The following FYB2 variants were observed in gnomAD, a reference collection of about 807,000 sequenced individuals.
FYB2 encodes the protein FYN-binding protein 2.
Under a neutral mutation model 94.1 loss-of-function variants are expected in FYB2, and 103 were observed. That is an observed-to-expected ratio of 1.09 (90% CI 0.93 to 1.29). FYB2 has a LOEUF of 1.29. Among genes scored for constraint, FYB2 ranks in the 50% most tolerant of loss-of-function variants. The probability of loss-of-function intolerance (pLI) is 0.00; values close to 1 mark genes in which losing one functional copy is unlikely to be tolerated. For missense variants in FYB2, 896 were observed against 841.5 expected (o/e 1.06, Z -0.80); for synonymous variants, 293 against 287.9 (o/e 1.02, Z -0.18).
At chr1:56,726,933 A>C (rs1255945598) in intron 15 of FYB2, among the ~76,000 whole-genome samples, 2 of 138,518 alleles carry the variant, frequency 1.4e-5, no homozygotes, top group Non-Finnish European at 3.1e-5. Flanking sequence ...CTCCTTTATG[A>C]GCCTCAGTTT....
At chr1:56,796,276 T>C (rs1646394948) in intron 1 of FYB2, among the ~76,000 whole-genome samples, 1 of 152,120 alleles carries the variant, frequency 6.6e-6, no homozygotes, top group South Asian at 2.1e-4. Flanking sequence ...CCATCACCCA[T>C]AGGTGGAAGT....
Position 56,723,630 on chromosome 1 carries a change from G to T in FYB2, c.1932C>A (p.Asn644Lys). 1.3e-6 allele frequency: 2 copies of T among 1,570,282 alleles called. No homozygotes were observed. Among genetic ancestry groups the T allele is most frequent in the Admixed American group, 1.7e-5 (1 of 58,414 alleles). Reference protein sequence around the residue: ...FKTKKQNLEKNRMKREEKLFR... With the variant: ...FKTKKQNLEKKRMKREEKLFR... ...ATAGTTTTTCTTCTCTTTTCATTCT[G>T]TTCTTTTCTAAGTTTTGCTTCTTGG... is the stretch of plus-strand genomic sequence containing the variant. The change falls in exon 17 of 20, where the codon AAC (asparagine) becomes AAA (lysine). Residue 644 changes from asparagine (N) to lysine (K), a missense_variant. By Grantham distance (94) the Asn-to-Lys change is moderately conservative. Transcript: ENST00000343433.
intron 14 of FYB2, among the ~76,000 whole-genome samples, chr1:56,738,187 C>T (rs1644872305): frequency 6.6e-6 from 1 of 152,014 alleles, no homozygotes; most frequent in Non-Finnish European, 1.5e-5. Context: ...ATTCTCAATT[C>T]AGTTAGTTTG....
rs1457812135 is a variant in FYB2, at chr1:56,792,610, C to T, written c.203G>A (p.Ser68Asn). 3 of 1,614,092 alleles carry T rather than the reference C, an allele frequency of 1.9e-6. No homozygotes were observed. The highest frequency in any genetic ancestry group is 2.5e-6 in the Non-Finnish European group (3 of 1,180,008). The change falls in exon 2 of 20, where the codon AGT becomes AAT. Residue 68 changes from serine to asparagine, a missense_variant. By Grantham distance (46) the Ser-to-Asn change is conservative. Transcript: ENST00000343433. Reference protein sequence around the residue: ...NHKQRTPYCSSSESQPLQPQK... With the variant: ...NHKQRTPYCSNSESQPLQPQK... ...AGGTTGAAGAGGCTGGGACTCACTA[C>T]TGGAACAGTATGGTGTGCGCTGCTT...
At chr1:56,778,451 G>A (rs1027382970) in intron 4 of FYB2, among the ~76,000 whole-genome samples, 1 of 152,004 alleles carries the variant, frequency 6.6e-6, no homozygotes, top group Admixed American at 6.6e-5. Flanking sequence ...TTAGCAACTG[G>A]TTTTTTGTTT....
At chr1:56,797,844 T>C (rs1646435273) in intron 1 of FYB2, among the ~76,000 whole-genome samples, 1 of 152,224 alleles carries the variant, frequency 6.6e-6, no homozygotes, top group Non-Finnish European at 1.5e-5. Flanking sequence ...TGGTTTGTTT[T>C]TCTTTATAGC....
chr1:56,819,395 C>T lies in FYB2; in HGVS notation c.-105G>A, dbSNP rs1646960819. On this transcript the variant is annotated 5_prime_UTR_variant, in exon 1 of 20. Transcript: ENST00000343433. ...CTGTCTCTGCTAGCCAGGGAGCAAT[C>T]ACTTCCCACAGGACACACCTGAGCC... The T allele has an allele frequency of 6.7e-7, 1 of 1,489,436 alleles. No individual in the cohort carries two copies. The highest frequency in any genetic ancestry group is 1.7e-5 in the Admixed American group (1 of 58,328). The allele number at this position is 1,489,436 out of a possible 1,614,324, so 92.3% of individuals were successfully genotyped here.
chr1:56,756,391 A>G (rs556225921), intron 6 of FYB2, among the ~76,000 whole-genome samples: 210 of 152,236 alleles, frequency 1.4e-3, no homozygotes, highest in Admixed American at 3.0e-3. Flanking sequence ...ATTTGGCTCC[A>G]TTAAAATTAT....
chr1:56,819,234 C>A (rs1347579354), intron 1 of FYB2, 48 bp downstream of exon 1: 1 of 1,613,990 alleles, frequency 6.2e-7, no homozygotes, highest in Middle Eastern at 1.6e-4. Context: ...ACTTGTCCTG[C>A]AAGAAAAGAC....
intron 5 of FYB2, among the ~76,000 whole-genome samples, chr1:56,765,905 C>T (rs934181781): frequency 6.6e-6 from 1 of 152,170 alleles, no homozygotes; most frequent in Non-Finnish European, 1.5e-5. Flanking sequence ...TCTGTTCCAT[C>T]TTCCCAGAAA....
intron 1 of FYB2, among the ~76,000 whole-genome samples, chr1:56,813,782 A>T (rs1646819948): frequency 6.6e-6 from 1 of 152,210 alleles, no homozygotes; most frequent in Admixed American, 6.5e-5. Flanking sequence ...TAATTTATTC[A>T]AACCTTGGTT....
At chr1:56,737,210 T>C in intron 14 of FYB2, 63 bp from the exon 15 acceptor site, 2 of 1,259,350 alleles carry the variant, frequency 1.6e-6, no homozygotes, top group Non-Finnish European at 2.2e-6. Context: ...GCACTGACTT[T>C]CCAAATTATA....
At chr1:56,750,534 G>C (rs1645171699) in intron 9 of FYB2, among the ~76,000 whole-genome samples, 1 of 151,904 alleles carries the variant, frequency 6.6e-6, no homozygotes, top group South Asian at 2.1e-4. Flanking sequence ...AGTATGGTTT[G>C]ATCACTGTTG....
intron 1 of FYB2, among the ~76,000 whole-genome samples, chr1:56,803,955 C>G (rs143959651): frequency 6.6e-6 from 1 of 152,302 alleles, no homozygotes; most frequent in African/African-American, 2.4e-5. Context: ...TGTTCTTAAT[C>G]CTGGCTGTGC....
intron 7 of FYB2, among the ~76,000 whole-genome samples, chr1:56,754,553 A>G (rs1570006242): frequency 1.3e-5 from 2 of 152,248 alleles, no homozygotes; most frequent in South Asian, 4.1e-4. Context: ...ACTAAAAATC[A>G]AGGCAGAACT....
chr1:56,778,214 A>G (rs7529848), intron 4 of FYB2, among the ~76,000 whole-genome samples: 27,451 of 152,128 alleles, frequency 0.18, 3,090 homozygotes, highest in East Asian at 0.5. Context: ...CCCCTTTGGC[A>G]AGGCCCTTCT....
rs1396383088 is a variant in FYB2, at chr1:56,719,197, T to C, written c.*474A>G. On this transcript the variant is annotated 3_prime_UTR_variant, in exon 20 of 20. Transcript: ENST00000343433. ...AAAGACTGAGCCATAATTAAGATTA[T>C]ACCTTAAACTTGAGTATTTAAAAGA... The C allele has an allele frequency of 6.5e-6, 1 of 153,182 alleles. No homozygotes were observed. The highest frequency in any genetic ancestry group is 1.5e-5 in the Non-Finnish European group (1 of 68,546). 9.5% of individuals were successfully genotyped at this position (153,182 alleles called of 1,614,324 possible). A position where few individuals can be genotyped will look rare whatever the true frequency, so the allele number is the denominator to read the frequency against.
chr1:56,808,209 G>T (rs1027132535), intron 1 of FYB2, among the ~76,000 whole-genome samples: 1 of 152,086 alleles, frequency 6.6e-6, no homozygotes, highest in Non-Finnish European at 1.5e-5. Context: ...ATTAAAGCTG[G>T]AGGGTTCAAG....
chr1:56,729,650 T>G (rs1469374649), intron 15 of FYB2, among the ~76,000 whole-genome samples: 1 of 152,136 alleles, frequency 6.6e-6, no homozygotes, highest in Non-Finnish European at 1.5e-5. Context: ...AACTGCACCA[T>G]AGACCAAATG....
Sources: gnomAD v4.1 joint callset for allele counts (sites outside exome capture counted in the v4.1 genomes callset) on GRCh38, gnomAD v4.1.1 for gene constraint, MANE v1.5 for transcripts, NCBI Gene and HGNC (gene_info 2026-07-23, HGNC 2026-07-21) for gene names.